Variants in CDH13 observed in about 807,000 individuals in gnomAD.
CDH13 encodes cadherin 13.
A neutral mutation model predicts 63.8 loss-of-function variants in CDH13; 24 were observed. That is an observed-to-expected ratio of 0.38 (90% confidence interval 0.27 to 0.53). The LOEUF (loss-of-function observed/expected upper bound fraction) is 0.53. Among genes scored for constraint, CDH13 ranks in the 20% least tolerant of loss-of-function variants. The pLI is 0.85. For synonymous variants in CDH13, 503 were observed against 355.3 expected (o/e 1.42, Z -4.67); for missense variants, 1,049 against 903.1 (o/e 1.16, Z -2.07).
At chr16:83,172,174 C>G (rs1382298931) in intron 4 of CDH13, among the ~76,000 whole-genome samples, 2 of 151,994 alleles carry the variant, frequency 1.3e-5, no homozygotes, top group Non-Finnish European at 2.9e-5. Context: ...TAGACTCACA[C>G]TCAGAGAGAA....
chr16:82,992,189 G>T (rs1176450099), intron 2 of CDH13, among the ~76,000 whole-genome samples: 1 of 152,136 alleles, frequency 6.6e-6, no homozygotes, highest in Non-Finnish European at 1.5e-5. Flanking sequence ...TCCTAGTCCA[G>T]CCTCTGTTGT....
At chr16:83,044,999 A>T (rs1917648046) in intron 3 of CDH13, among the ~76,000 whole-genome samples, 1 of 152,172 alleles carries the variant, frequency 6.6e-6, no homozygotes, top group South Asian at 2.1e-4. Flanking sequence ...ATCAAATACT[A>T]GTCAATTCTA....
At chr16:83,157,084 A>C (rs1346492374) in intron 4 of CDH13, among the ~76,000 whole-genome samples, 2 of 152,214 alleles carry the variant, frequency 1.3e-5, no homozygotes, top group Admixed American at 1.3e-4. Flanking sequence ...TACTTTCAAA[A>C]TGCTGTTCTC....
chr16:83,743,309 G>A (rs1912234441), intron 10 of CDH13, among the ~76,000 whole-genome samples: 1 of 152,142 alleles, frequency 6.6e-6, no homozygotes, highest in Non-Finnish European at 1.5e-5. Context: ...TTTTTAAGGA[G>A]GAAAAAGAGT....
At chr16:82,673,771 C>A (rs765257414) in intron 1 of CDH13, among the ~76,000 whole-genome samples, 1 of 152,194 alleles carries the variant, frequency 6.6e-6, no homozygotes, top group East Asian at 1.9e-4. Flanking sequence ...GATTGCTCCA[C>A]AACTTTACAG....
At chr16:83,520,865 C>G (rs1349205474) in intron 7 of CDH13, among the ~76,000 whole-genome samples, 2 of 152,150 alleles carry the variant, frequency 1.3e-5, no homozygotes, top group Non-Finnish European at 2.9e-5. Context: ...CTGCCCAGCT[C>G]AAAATCTTCA....
Position 83,716,583 on chromosome 16 carries a change from A to G in CDH13, c.1539-31525A>G, listed in dbSNP as rs150777805. 3.4e-4 allele frequency among the ~76,000 whole-genome samples: 51 copies of G among 152,192 alleles called. No individual in the cohort carries two copies. The East Asian group carries it at 6.6e-3, about 20-fold the overall frequency. On this transcript the variant is annotated intron_variant, in intron 10 of 13. Coordinates refer to ENST00000567109, the MANE Select transcript of CDH13 (RefSeq NM_001257.5). ...ACTGCAACCTCCACCTCCTGGACTCAAGCAATCCTCCTGCCTCAGCCTCCA... is the reference window on the plus strand; with the variant it reads ...ACTGCAACCTCCACCTCCTGGACTCGAGCAATCCTCCTGCCTCAGCCTCCA...
intron 4 of CDH13, among the ~76,000 whole-genome samples, chr16:83,215,499 C>CA (rs1160719211): frequency 2.9e-5 from 1 of 34,464 alleles, no homozygotes; most frequent in African/African-American, 5.0e-5. Flanking sequence ...ATTTTTTAAT[C>CA]GGAAAAAAAA....
intron 8 of CDH13, among the ~76,000 whole-genome samples, chr16:83,658,972 C>G (rs1320412917): frequency 3.5e-5 from 5 of 142,584 alleles, no homozygotes; most frequent in South Asian, 2.4e-4. Flanking sequence ...TCCTCACCAG[C>G]AAGGTCCCAT....
intron 3 of CDH13, 29 bp downstream of exon 3, chr16:83,032,247 T>C: frequency 6.4e-7 from 1 of 1,572,502 alleles, no homozygotes; most frequent in South Asian, 1.1e-5. Context: ...ATAACTTGGG[T>C]TCAAGGAGGA....
intron 2 of CDH13, among the ~76,000 whole-genome samples, chr16:82,909,778 C>T (rs1034359351): frequency 5.9e-5 from 9 of 152,090 alleles, no homozygotes; most frequent in African/African-American, 1.9e-4. Context: ...TCATCTTATT[C>T]AAGATGAGAT....
intron 5 of CDH13, among the ~76,000 whole-genome samples, chr16:83,258,265 C>T (rs1483454475): frequency 6.6e-6 from 1 of 152,320 alleles, no homozygotes; most frequent in East Asian, 1.9e-4. Context: ...CCAATATTTT[C>T]AGGCAAATGT....
At chr16:83,146,949 G>T (rs148493366) in intron 4 of CDH13, among the ~76,000 whole-genome samples, 5,921 of 152,162 alleles carry the variant, frequency 0.039, 177 homozygotes, top group Non-Finnish European at 0.051. Context: ...TTAGCCTGGT[G>T]TGGTGGCACA....
intron 7 of CDH13, among the ~76,000 whole-genome samples, chr16:83,561,389 G>A (rs1339655191): frequency 1.4e-5 from 2 of 140,756 alleles, no homozygotes; most frequent in Non-Finnish European, 3.0e-5. Flanking sequence ...TTGTGCCATT[G>A]CACTTCAGCC....
intron 2 of CDH13, among the ~76,000 whole-genome samples, chr16:82,877,187 G>A (rs1169489616): frequency 6.6e-6 from 1 of 152,164 alleles, no homozygotes; most frequent in East Asian, 1.9e-4. Flanking sequence ...TTGGTATTGG[G>A]TAAATTCATG....
At chr16:83,025,767 A>T (rs936407966) in intron 2 of CDH13, among the ~76,000 whole-genome samples, 2 of 151,892 alleles carry the variant, frequency 1.3e-5, no homozygotes, top group African/African-American at 4.8e-5. Flanking sequence ...CCAGTCCCCA[A>T]CCTCTACTCT....
At chr16:83,343,304 C>G (rs906916737) in intron 5 of CDH13, among the ~76,000 whole-genome samples, 54 of 152,246 alleles carry the variant, frequency 3.5e-4, no homozygotes, top group African/African-American at 1.1e-3. Context: ...ACTCAATATT[C>G]TAAGTAGATC....
intron 5 of CDH13, among the ~76,000 whole-genome samples, chr16:83,299,606 G>A (rs922401824): frequency 3.3e-5 from 5 of 152,100 alleles, no homozygotes; most frequent in African/African-American, 1.2e-4. Context: ...AATTTTAAAA[G>A]ACCCTAGCTT....
intron 7 of CDH13, among the ~76,000 whole-genome samples, chr16:83,497,725 G>T (rs924522521): frequency 6.6e-6 from 1 of 152,146 alleles, no homozygotes; most frequent in Non-Finnish European, 1.5e-5. Context: ...AACATAGACA[G>T]CAGGCTGGAT....
Sources: allele counts gnomAD v4.1 joint callset (sites outside exome capture counted in the v4.1 genomes callset), GRCh38; gene constraint gnomAD v4.1.1; transcripts MANE v1.5; gene names NCBI Gene and HGNC (gene_info 2026-07-23, HGNC 2026-07-21).